Variants in BIN3 observed in about 807,000 individuals in gnomAD.
The protein encoded by BIN3 is bridging integrator 3.
Under a neutral mutation model 38.2 loss-of-function variants are expected in BIN3, and 41 were observed. The ratio of observed to expected loss-of-function variants is 1.07; its 90% CI spans 0.84 to 1.39. The LOEUF is 1.39. Among genes scored for constraint, BIN3 ranks in the 40% most tolerant of loss-of-function variants. The pLI is 0.00. For synonymous variants in BIN3, 145 were observed against 122.6 expected (o/e 1.18, Z -1.21); for missense variants, 361 against 324.3 (o/e 1.11, Z -0.87).
chr8:22,638,649 C>T (rs1015279931), intron 2 of BIN3, among the ~76,000 whole-genome samples: 25 of 152,284 alleles, frequency 1.6e-4, no homozygotes, highest in Admixed American at 1.3e-3. Flanking sequence ...CTCTGGCTCT[C>T]TGGGCATGAC....
At chr8:22,639,907 G>T (rs1483543031) in intron 2 of BIN3, among the ~76,000 whole-genome samples, 1 of 151,982 alleles carries the variant, frequency 6.6e-6, no homozygotes, top group South Asian at 2.1e-4. Context: ...TGTCACCCAG[G>T]CTACAGGGCA....
chr8:22,623,868 T>C, intron 8 of BIN3, 47 bp downstream of exon 8: 2 of 1,590,730 alleles, frequency 1.3e-6, no homozygotes, highest in South Asian at 1.1e-5. Flanking sequence ...GGGAGTGGCA[T>C]GAGCTGTGTA....
intron 5 of BIN3, among the ~76,000 whole-genome samples, 175 bp from the exon 6 acceptor site, chr8:22,630,179 A>C (rs755972482): frequency 3.9e-5 from 6 of 152,258 alleles, no homozygotes; most frequent in Non-Finnish European, 5.9e-5. Flanking sequence ...CAGAAGCCTC[A>C]GGGGCTGGGG....
At position 22,624,239 on chromosome 8, in the gene BIN3, G is replaced by A. The variant is rs767624985; in HGVS notation, c.463C>T (p.Leu155=). The change falls in exon 7 of 9, where the codon CTG becomes TTG. Residue 155 remains leucine, a synonymous_variant. Transcript: ENST00000276416. ...YEEKEKTGPV[L]AKLHQAREEL... is the part of the protein sequence containing the mutation. ...CCTGGTACCTGGTGGAGCTTGGCCA[G>A]CACTGGCCCCGTCTTCTCCTTTTCC... The A allele has an allele frequency of 2.5e-6, 4 of 1,613,616 alleles. No homozygotes were observed. Among genetic ancestry groups the A allele is most frequent in the Admixed American group, 3.3e-5 (2 of 59,972 alleles).
At chr8:22,623,046 T>G (rs1189100195) in intron 8 of BIN3, among the ~76,000 whole-genome samples, 1 of 152,102 alleles carries the variant, frequency 6.6e-6, no homozygotes, top group Non-Finnish European at 1.5e-5. Flanking sequence ...AAATGGCCAC[T>G]GGAGGGCGCC....
intron 2 of BIN3, among the ~76,000 whole-genome samples, chr8:22,640,885 C>A (rs910858484): frequency 2.0e-4 from 31 of 152,042 alleles, no homozygotes; most frequent in African/African-American, 6.3e-4. Flanking sequence ...GGGGTGGGAG[C>A]GCGTTTTCTA....
At chr8:22,635,082 C>A (rs1802326368) in intron 4 of BIN3, among the ~76,000 whole-genome samples, 1 of 152,144 alleles carries the variant, frequency 6.6e-6, no homozygotes, top group Non-Finnish European at 1.5e-5. Context: ...TCAGCGTGCA[C>A]CACCTTAGGG....
chr8:22,625,365 C>T (rs758335664), intron 6 of BIN3: 1 of 702,642 alleles, frequency 1.4e-6, no homozygotes. Flanking sequence ...GAGCTCATGA[C>T]TCTGTGGCCA....
Position 22,621,494 on chromosome 8 carries a change from A to G in BIN3, c.690T>C (p.Asp230=). The G allele has an allele frequency of 6.2e-7, 1 of 1,613,958 alleles. No homozygotes were observed. Among genetic ancestry groups the G allele is most frequent in the Non-Finnish European group, 8.5e-7 (1 of 1,179,886 alleles). The part of the protein sequence containing the change: ...SHQLDQPGHS[D]EQRERENEAK... ...CCTCGTTCTCCCGCTCCCGCTGCTC[A>G]TCGGAGTGGCCTGGCTGGTCAAGCT... Residue 230 remains aspartate, a synonymous_variant, in exon 9 of 9, where the codon GAT becomes GAC. Coordinates refer to ENST00000276416, the MANE Select transcript of BIN3 (RefSeq NM_018688.6).
chr8:22,623,781 T>C, intron 8 of BIN3, 134 bp downstream of exon 8: 1 of 1,182,370 alleles, frequency 8.5e-7, no homozygotes, highest in Non-Finnish European at 1.2e-6. Context: ...TGGAATGAAT[T>C]CCTTCAGGGC....
chr8:22,658,556 C>A (rs545836076), intron 1 of BIN3, among the ~76,000 whole-genome samples: 7 of 152,338 alleles, frequency 4.6e-5, no homozygotes, highest in Non-Finnish European at 1.0e-4. Context: ...ACTCCCTCTG[C>A]AGAGGCAGAG....
chr8:22,651,592 G>A (rs1457139036), intron 1 of BIN3, among the ~76,000 whole-genome samples: 2 of 152,310 alleles, frequency 1.3e-5, no homozygotes, highest in East Asian at 3.9e-4. Context: ...TTAAAGGCTG[G>A]ACATAATTTC....
chr8:22,625,264 C>T (rs1398248378), intron 6 of BIN3: 2 of 699,784 alleles, frequency 2.9e-6, no homozygotes, highest in Non-Finnish European at 5.2e-6. Flanking sequence ...GCTGCTGCTG[C>T]TGGAGGGCTG....
At chr8:22,644,433 AG>A (rs1241222807) in intron 2 of BIN3, among the ~76,000 whole-genome samples, 1 of 152,256 alleles carries the variant, frequency 6.6e-6, no homozygotes, top group Non-Finnish European at 1.5e-5. Context: ...GAACACTCTT[AG>A]GAAAAGTATA....
At chr8:22,646,303 G>A (rs1197984370) in intron 1 of BIN3, among the ~76,000 whole-genome samples, 1 of 152,170 alleles carries the variant, frequency 6.6e-6, no homozygotes, top group Admixed American at 6.5e-5. Context: ...CTCTCAGCCA[G>A]CCATGCTCAT....
chr8:22,643,144 G>C (rs944727822), intron 2 of BIN3, among the ~76,000 whole-genome samples: 1 of 152,186 alleles, frequency 6.6e-6, no homozygotes, highest in African/African-American at 2.4e-5. Context: ...GATCTGTCAT[G>C]GATTAAACTC....
chr8:22,647,849 G>A (rs920816199), intron 1 of BIN3, among the ~76,000 whole-genome samples: 13 of 152,126 alleles, frequency 8.5e-5, no homozygotes, highest in Admixed American at 5.2e-4. Flanking sequence ...CTGTGAGGCC[G>A]GGCGTGGTGG....
At chr8:22,623,766 G>C (rs1363594528) in intron 8 of BIN3, 149 bp downstream of exon 8, 1 of 1,047,570 alleles carries the variant, frequency 9.5e-7, no homozygotes, top group Non-Finnish European at 1.3e-6. Flanking sequence ...CTGGGACTCT[G>C]GTAATGGAAT....
rs116400225 is a variant in BIN3 at position 22,662,406 on chromosome 8, G to T, written c.8+6638C>A. Among the ~76,000 whole-genome samples, 1,361 of 152,264 alleles carry T rather than the reference G, an allele frequency of 8.9e-3. 21 individuals are homozygous for T. The highest frequency in any genetic ancestry group is 0.03 in the African/African-American group (1,262 of 41,538). ...ATTGTTGGTTTAATCTGTTTTTCCT[G>T]ATTACTAATAGGACCAAACATCTTT... On this transcript the variant is annotated intron_variant, in intron 1 of 8. Transcript: ENST00000276416.
Sources: gnomAD v4.1 joint callset for allele counts (sites outside exome capture counted in the v4.1 genomes callset) on GRCh38, gnomAD v4.1.1 for gene constraint, MANE v1.5 for transcripts, NCBI Gene and HGNC (gene_info 2026-07-23, HGNC 2026-07-21) for gene names.